The following MOXD1 variants were observed in gnomAD, a reference collection of about 807,000 sequenced individuals.
The protein encoded by MOXD1 is monooxygenase DBH like 1, also known as DBH-like monooxygenase protein 1.
A neutral mutation model predicts 66.6 loss-of-function variants in MOXD1; 62 were observed. The ratio of observed to expected loss-of-function variants is 0.93; its 90% CI spans 0.76 to 1.15. MOXD1 has a LOEUF of 1.15. Among genes scored for constraint, MOXD1 ranks in the 50% most tolerant of loss-of-function variants. The pLI is 0.00. For missense variants in MOXD1, 847 were observed against 754.6 expected (o/e 1.12, Z -1.44); for synonymous variants, 303 against 281.9 (o/e 1.07, Z -0.75).
intron 4 of MOXD1, among the ~76,000 whole-genome samples, chr6:132,364,830 T>G (rs896994011): frequency 1.3e-5 from 2 of 152,186 alleles, no homozygotes; most frequent in African/African-American, 4.8e-5. Flanking sequence ...ATCAGCCCTA[T>G]GTACAGACGG....
At chr6:132,374,606 A>G (rs1483113884) in intron 2 of MOXD1, 25 bp downstream of exon 2, 3 of 1,610,068 alleles carry the variant, frequency 1.9e-6, no homozygotes, top group Non-Finnish European at 2.5e-6. Context: ...TTGTTCATGC[A>G]TGCATTCACT....
chr6:132,336,378 T>C (rs1040603311), intron 4 of MOXD1, among the ~76,000 whole-genome samples: 1 of 152,168 alleles, frequency 6.6e-6, no homozygotes, highest in Non-Finnish European at 1.5e-5. Flanking sequence ...TATGGGAACA[T>C]TTCAGCCAGA....
chr6:132,315,844 T>C, intron 9 of MOXD1, 67 bp from the exon 10 acceptor site: 1 of 1,453,500 alleles, frequency 6.9e-7, no homozygotes, highest in Non-Finnish European at 9.6e-7. Flanking sequence ...AGCACACAAG[T>C]CATTAATGTC....
At chr6:132,372,712 G>C in intron 3 of MOXD1, 21 bp from the exon 4 acceptor site, 1 of 1,610,268 alleles carries the variant, frequency 6.2e-7, no homozygotes, top group East Asian at 2.2e-5. Context: ...AAAAAGGGGA[G>C]GAAGACACAA....
chr6:132,328,669 T>TGAC, intron 4 of MOXD1, 75 bp from the exon 5 acceptor site: 1 of 1,338,216 alleles, frequency 7.5e-7, no homozygotes, highest in Non-Finnish European at 1.0e-6. Flanking sequence ...AACGTGAAAC[T>TGAC]AGCATAAATT....
intron 7 of MOXD1, 34 bp from the exon 8 acceptor site, chr6:132,322,904 C>CTCATTAAT (rs779490565): frequency 1.3e-6 from 2 of 1,543,006 alleles, no homozygotes; most frequent in African/African-American, 2.8e-5. Flanking sequence ...CCGATTAGCC[C>CTCATTAAT]ACATTAATGC....
Position 132,328,101 on chromosome 6 carries a change from T to C in MOXD1, c.858A>G (p.Pro286=). ...TGCCAAGGGATAATCCAACATGAGG[T>C]GGATAAGAAAAGCCCTAAATATGGA... ...WAIGGEGFSY[P]PHVGLSLGTP... is the part of the protein sequence containing the mutation. Residue 286 remains proline, a synonymous_variant, in exon 6 of 12, where the codon CCA becomes CCG. Transcript: ENST00000367963. The C allele has an allele frequency of 6.2e-7, 1 of 1,613,530 alleles. No individual in the cohort carries two copies.
intron 10 of MOXD1, among the ~76,000 whole-genome samples, chr6:132,301,583 G>C (rs1008673585): frequency 6.6e-5 from 10 of 151,998 alleles, no homozygotes; most frequent in African/African-American, 2.4e-4. Flanking sequence ...TCTCGGGGTA[G>C]AGAAGGAGAA....
chr6:132,326,594 A>G (rs770499630), intron 6 of MOXD1, among the ~76,000 whole-genome samples: 2 of 152,284 alleles, frequency 1.3e-5, no homozygotes, highest in Non-Finnish European at 2.9e-5. Context: ...TATTGTGATG[A>G]CAATTTTTAT....
At chr6:132,384,603 G>C (rs576469135) in intron 1 of MOXD1, among the ~76,000 whole-genome samples, 1 of 152,340 alleles carries the variant, frequency 6.6e-6, no homozygotes, top group Middle Eastern at 3.4e-3. Flanking sequence ...TCACCACTGA[G>C]GCAATGATAC....
At chr6:132,338,454 G>A (rs567470957) in intron 4 of MOXD1, among the ~76,000 whole-genome samples, 1 of 152,182 alleles carries the variant, frequency 6.6e-6, no homozygotes, top group Non-Finnish European at 1.5e-5. Flanking sequence ...CAGGTGAAAG[G>A]TATGGAGATG....
At chr6:132,381,496 T>C (rs1341803905) in intron 1 of MOXD1, among the ~76,000 whole-genome samples, 1 of 151,640 alleles carries the variant, frequency 6.6e-6, no homozygotes, top group African/African-American at 2.4e-5. Context: ...AGCATTCAAC[T>C]ATTCTTGCCT....
At chr6:132,399,925 T>G (rs1451423236) in intron 1 of MOXD1, among the ~76,000 whole-genome samples, 1 of 152,212 alleles carries the variant, frequency 6.6e-6, no homozygotes, top group Non-Finnish European at 1.5e-5. Context: ...GAGGAGAATA[T>G]TTATACATCA....
In MOXD1 at chr6:132,374,638, C is replaced by A. The variant is rs201787007; in HGVS notation, c.404G>T (p.Ser135Ile). 4.8e-5 allele frequency: 78 copies of A among 1,613,662 alleles called. No homozygotes were observed. The highest frequency in any genetic ancestry group is 6.8e-6 in the Non-Finnish European group (8 of 1,179,922). The change falls in exon 2 of 12, where the codon AGT (serine) becomes ATT (isoleucine). Residue 135 changes from serine to isoleucine, a missense_variant. Physicochemically the swap from Ser to Ile is moderately radical, Grantham distance 142. Coordinates refer to ENST00000367963, the MANE Select transcript of MOXD1 (RefSeq NM_015529.4). Reference protein sequence around the residue: ...ELHTCDINDKSITDSTVRVIW... With the variant: ...ELHTCDINDKIITDSTVRVIW... ...CACTCATAGATGCCTTACCGTTATA[C>A]TCTTGTCATTTATGTCACATGTATG...
At chr6:132,341,089 A>G (rs1775551937) in intron 4 of MOXD1, among the ~76,000 whole-genome samples, 1 of 152,188 alleles carries the variant, frequency 6.6e-6, no homozygotes, top group Non-Finnish European at 1.5e-5. Context: ...GGATGTTGCT[A>G]TTGGTCTGAA....
rs1160144957 is a variant in MOXD1, at chr6:132,387,627, G to A, written c.265-12850C>T. Among the ~76,000 whole-genome samples, 9 of 149,976 alleles carry A rather than the reference G, an allele frequency of 6.0e-5. 1 individual carries two copies. In the South Asian group the frequency reaches 8.7e-4, roughly 14 times the overall value. ...AAATTAGCCGGGTATGGTGGTGCAC[G>A]CCTGTAATCCTAGCTACTCCGGAGG... On this transcript the variant is annotated intron_variant, in intron 1 of 11. Transcript: ENST00000367963.
chr6:132,297,844 C>T lies in MOXD1; in HGVS notation c.1620G>A (p.Leu540=). 1 of 1,613,322 alleles carries T rather than the reference C, an allele frequency of 6.2e-7. No homozygotes were observed. The highest frequency in any genetic ancestry group is 8.5e-7 in the Non-Finnish European group (1 of 1,179,600). Reference sequence around the variant, plus strand: ...TCACATTCACTGGCAGGCTGAGGACCAGCTTGTTGAAGGAGAGACCTTCCT... The same window carrying T: ...TCACATTCACTGGCAGGCTGAGGACTAGCTTGTTGAAGGAGAGACCTTCCT... ...TKKEGLSFNK[L]VLSLPVNVRC... is the part of the protein sequence containing the mutation. The change falls in exon 11 of 12, where the codon CTG becomes CTA. Residue 540 remains leucine (L), a synonymous_variant. Coordinates refer to ENST00000367963, the MANE Select transcript of MOXD1 (RefSeq NM_015529.4).
intron 4 of MOXD1, among the ~76,000 whole-genome samples, chr6:132,345,940 G>C (rs529948110): frequency 6.6e-6 from 1 of 152,138 alleles, no homozygotes; most frequent in East Asian, 1.9e-4. Context: ...AAGACACCAA[G>C]ACCCTTCTTT....
In MOXD1 at chr6:132,322,835, C is replaced by T; in HGVS notation, c.1149G>A (p.Val383=). Residue 383 remains valine, a synonymous_variant, in exon 8 of 12, where the codon GTG becomes GTA. Coordinates refer to ENST00000367963, the MANE Select transcript of MOXD1 (RefSeq NM_015529.4). ...LEAEKPSGIH[V]FAVLLHAHLA... ...GGTGAGCATGGAGAAGAACAGCAAA[C>T]ACATGAATTCCACTTGGCTTTTCGG... 1 of 1,613,766 alleles carries T rather than the reference C, an allele frequency of 6.2e-7. No homozygotes were observed. Among genetic ancestry groups the T allele is most frequent in the Non-Finnish European group, 8.5e-7 (1 of 1,179,880 alleles).
Sources: allele counts gnomAD v4.1 joint callset (sites outside exome capture counted in the v4.1 genomes callset), GRCh38; gene constraint gnomAD v4.1.1; transcripts MANE v1.5; gene names NCBI Gene and HGNC (gene_info 2026-07-23, HGNC 2026-07-21).